NYNRIN: variants seen among roughly 807,000 people sequenced by gnomAD.
NYNRIN encodes the protein NYN domain and retroviral integrase containing, also known as protein NYNRIN.
A neutral mutation model predicts 146.6 loss-of-function variants in NYNRIN; 86 were observed. That is an observed-to-expected ratio of 0.59 (90% CI 0.49 to 0.70). NYNRIN has a LOEUF of 0.70. Among genes scored for constraint, NYNRIN ranks in the 30% least tolerant of loss-of-function variants. NYNRIN has a pLI of 0.00. For missense variants in NYNRIN, 2,191 were observed against 2,377.7 expected (o/e 0.92, Z 1.63); for synonymous variants, 1,027 against 1,001.3 (o/e 1.03, Z -0.48).
chr14:24,401,098 A>T (rs1036593862), intron 2 of NYNRIN, among the ~76,000 whole-genome samples: 1 of 152,040 alleles, frequency 6.6e-6, no homozygotes, highest in African/African-American at 2.4e-5. Flanking sequence ...CAGGACTCAC[A>T]CTTTCGGAGG....
rs574649411 is a variant in NYNRIN at position 24,415,303 on chromosome 14, C to A, written c.3554C>A (p.Pro1185His). 1 of 1,613,946 alleles carries A rather than the reference C, an allele frequency of 6.2e-7. No individual in the cohort carries two copies. The highest frequency in any genetic ancestry group is 8.5e-7 in the Non-Finnish European group (1 of 1,179,866). ...LHQEHSGRKH[P>H]IAYTSKPLLP... is the part of the protein sequence containing the mutation. ...CAGGAGCACTCAGGGAGGAAGCACC[C>A]CATAGCCTATACCTCAAAACCCCTC... The change falls in exon 9 of 9, where the codon CCC becomes CAC. Residue 1185 changes from proline to histidine, a missense_variant. This residue lies in a region of NYNRIN where 1,291 missense variants were observed against 1,417.0 expected (regional missense o/e 0.91). Coordinates refer to ENST00000382554, the MANE Select transcript of NYNRIN (RefSeq NM_025081.3).
chr14:24,418,521 C>T lies in NYNRIN; in HGVS notation c.*1075C>T, dbSNP rs1348868516. ...CCTTCTGTGTAGAGCAAAACCCAGG[C>T]TCCCTCACAGCCATTCTTTGCAGAG... On this transcript the variant is annotated 3_prime_UTR_variant, in exon 9 of 9. Coordinates refer to ENST00000382554, the MANE Select transcript of NYNRIN (RefSeq NM_025081.3). The T allele has an allele frequency of 3.1e-6, 1 of 321,886 alleles. No homozygotes were observed. The highest frequency in any genetic ancestry group is 9.9e-5 in the East Asian group (1 of 10,054). 19.9% of individuals were successfully genotyped at this position (321,886 alleles called of 1,614,324 possible). A position where few individuals can be genotyped will look rare whatever the true frequency, so the allele number is the denominator to read the frequency against.
chr14:24,406,043 TC>T (rs1348554280), intron 2 of NYNRIN, among the ~76,000 whole-genome samples: 1 of 151,550 alleles, frequency 6.6e-6, no homozygotes, highest in African/African-American at 2.4e-5. Context: ...ACATCTGTAA[TC>T]CCAGCTACTG....
Position 24,415,811 on chromosome 14 carries a change from C to T in NYNRIN, c.4062C>T (p.His1354=), listed in dbSNP as rs1210879965. Residue 1354 remains histidine (H), a synonymous_variant, in exon 9 of 9, where the codon CAC becomes CAT. Coordinates refer to ENST00000382554, the MANE Select transcript of NYNRIN (RefSeq NM_025081.3). ...CCCCTTACACGCCAACCTATGCCCACCTGGCAGCCGTGGCCTGCGGCCTGG... is the reference window on the plus strand; with the variant it reads ...CCCCTTACACGCCAACCTATGCCCATCTGGCAGCCGTGGCCTGCGGCCTGG... The part of the protein sequence containing the change: ...SCSPYTPTYA[H]LAAVACGLER... 2 of 1,614,018 alleles carry T rather than the reference C, an allele frequency of 1.2e-6. No homozygotes were observed. The highest frequency in any genetic ancestry group is 1.7e-6 in the Non-Finnish European group (2 of 1,179,900).
At chr14:24,400,141 C>T (rs2139339872) in intron 2 of NYNRIN, among the ~76,000 whole-genome samples, 1 of 152,266 alleles carries the variant, frequency 6.6e-6, no homozygotes, top group East Asian at 1.9e-4. Flanking sequence ...GGGTGCAGCC[C>T]TCTTCCCAGA....
Position 24,417,063 on chromosome 14 carries a change from C to T in NYNRIN, c.5314C>T (p.Leu1772=), listed in dbSNP as rs200040524. ...GGGTGAGTCAAGGCTCACGGAGCCC[C>T]TGTGGTGGGAGATGAGCAGCGCAAA... The part of the protein sequence containing the change: ...TGGESRLTEP[L]WWEMSSANIE... Residue 1772 remains leucine, a synonymous_variant, in exon 9 of 9, where the codon CTG becomes TTG. Coordinates refer to ENST00000382554, the MANE Select transcript of NYNRIN (RefSeq NM_025081.3). The T allele has an allele frequency of 1.7e-4, 276 of 1,612,792 alleles. No individual in the cohort carries two copies. The Admixed American group carries it at 4.5e-3, about 26-fold the overall frequency.
chr14:24,401,437 GC>G (rs1320475346), intron 2 of NYNRIN, among the ~76,000 whole-genome samples: 7 of 98,642 alleles, frequency 7.1e-5, no homozygotes, highest in African/African-American at 1.8e-4. Context: ...AAGGTGAGGG[GC>G]GGGGGGGGTT....
chr14:24,414,717 G>A lies in NYNRIN; in HGVS notation c.2968G>A (p.Glu990Lys), dbSNP rs2042932667. Residue 990 changes from glutamate (E) to lysine (K), a missense_variant, in exon 9 of 9, where the codon GAA becomes AAA. Glu to Lys is a moderately conservative substitution (Grantham distance 56). Around this residue, in one of 3 missense-constraint regions of NYNRIN, gnomAD observed 1,291 missense variants for 1,417.0 expected, o/e 0.91. Coordinates refer to ENST00000382554, the MANE Select transcript of NYNRIN (RefSeq NM_025081.3). Reference protein sequence around the residue: ...SGPLESLPNMEEVREEKEERQ... With the variant: ...SGPLESLPNMKEVREEKEERQ... Reference sequence around the variant, plus strand: ...GCCCCTGGAGAGTCTGCCGAATATGGAAGAAGTCAGGGAAGAGAAGGAGGA... The same window carrying A: ...GCCCCTGGAGAGTCTGCCGAATATGAAAGAAGTCAGGGAAGAGAAGGAGGA... The A allele has an allele frequency of 6.2e-7, 1 of 1,613,630 alleles. No homozygotes were observed. Among genetic ancestry groups the A allele is most frequent in the South Asian group, 1.1e-5 (1 of 91,016 alleles).
Position 24,409,334 on chromosome 14 carries a change from C to T in NYNRIN, c.1540C>T (p.Pro514Ser). ...DFKGLEEGPA[P>S]VLPTGQGKPV... The stretch of plus-strand genomic sequence containing the variant: ...TAAGGGACTGGAAGAGGGACCCGCT[C>T]CAGTGCTGCCAACAGGGCAAGGGAA... Residue 514 changes from proline to serine, a missense_variant, in exon 4 of 9, where the codon CCA becomes TCA. By Grantham distance (74) the Pro-to-Ser change is moderately conservative (BLOSUM62 -1). Transcript: ENST00000382554. The T allele has an allele frequency of 1.2e-6, 2 of 1,614,068 alleles. No individual in the cohort carries two copies. Among genetic ancestry groups the T allele is most frequent in the South Asian group, 1.1e-5 (1 of 91,086 alleles).
intron 2 of NYNRIN, among the ~76,000 whole-genome samples, chr14:24,402,930 A>G (rs577014062): frequency 6.6e-6 from 1 of 152,334 alleles, no homozygotes; most frequent in African/African-American, 2.4e-5. Context: ...CCCCACTGAC[A>G]GTATTTGCTC....
Position 24,411,059 on chromosome 14 carries a change from G to A in NYNRIN, c.2415-17G>A, listed in dbSNP as rs1284233199. ...GAGTGGTGAGGCAGGGTCTTTCCTT[G>A]TCCCACGACCCCACAGGCATGGCCT... On this transcript the variant is annotated splice_polypyrimidine_tract_variant and intron_variant, in intron 4 of 8. Coordinates refer to ENST00000382554, the MANE Select transcript of NYNRIN (RefSeq NM_025081.3). The surrounding 1 kb of genome is among the most constrained non-coding windows in gnomAD (Gnocchi z 4.3). 6.2e-7 allele frequency: 1 copy of A among 1,613,348 alleles called. No individual in the cohort carries two copies. The highest frequency in any genetic ancestry group is 8.5e-7 in the Non-Finnish European group (1 of 1,179,740).
intron 2 of NYNRIN, among the ~76,000 whole-genome samples, chr14:24,404,406 T>C (rs1180692701): frequency 6.6e-6 from 1 of 152,194 alleles, no homozygotes; most frequent in East Asian, 1.9e-4. Flanking sequence ...TCTATTCTTG[T>C]TTAGTGTCTA....
chr14:24,409,234 G>T lies in NYNRIN; in HGVS notation c.1440G>T (p.Gly480=). ...DKVSSDLPQI[G]PPLTSTPQLQ... ...TTAGCTCGGATCTCCCACAGATAGG[G>T]CCACCCTTGACCTCTACACCCCAAC... is the stretch of plus-strand genomic sequence containing the variant. Residue 480 remains glycine, a synonymous_variant, in exon 4 of 9, where the codon GGG becomes GGT. Coordinates refer to ENST00000382554, the MANE Select transcript of NYNRIN (RefSeq NM_025081.3). 6.2e-7 allele frequency: 1 copy of T among 1,614,000 alleles called. No individual in the cohort carries two copies. Among genetic ancestry groups the T allele is most frequent in the Non-Finnish European group, 8.5e-7 (1 of 1,179,890 alleles).
At position 24,411,368 on chromosome 14, in the gene NYNRIN, A is replaced by G; in HGVS notation, c.2560A>G (p.Thr854Ala). The G allele has an allele frequency of 6.2e-7, 1 of 1,613,900 alleles. No homozygotes were observed. Among genetic ancestry groups the G allele is most frequent in the South Asian group, 1.1e-5 (1 of 91,070 alleles). The change falls in exon 6 of 9, where the codon ACG (threonine) becomes GCG (alanine). Residue 854 changes from threonine (T) to alanine (A), a missense_variant. Physicochemically the swap from Thr to Ala is moderately conservative, Grantham distance 58 (BLOSUM62 0). Coordinates refer to ENST00000382554, the MANE Select transcript of NYNRIN (RefSeq NM_025081.3). The surrounding 1 kb of genome is among the most constrained non-coding windows in gnomAD (Gnocchi z 4.3). ...TTCACCCCCAGAGAGCCACTTTCTG[A>G]CGAAGCTACACTCGCTCAAGATGCT... is the stretch of plus-strand genomic sequence containing the variant. ...NRRVRESHFL[T>A]KLHSLKMLSI...
In NYNRIN at chr14:24,417,035, C is replaced by G; in HGVS notation, c.5286C>G (p.Thr1762=). ...ATGCCACACCGTTCAAGGTCCTGACCGGGGGTGAGTCAAGGCTCACGGAGC... is the reference window on the plus strand; with the variant it reads ...ATGCCACACCGTTCAAGGTCCTGACGGGGGGTGAGTCAAGGCTCACGGAGC... The part of the protein sequence containing the change: ...STDATPFKVL[T]GGESRLTEPL... The change falls in exon 9 of 9, where the codon ACC becomes ACG. Residue 1762 remains threonine, a synonymous_variant. Coordinates refer to ENST00000382554, the MANE Select transcript of NYNRIN (RefSeq NM_025081.3). 1 of 1,609,636 alleles carries G rather than the reference C, an allele frequency of 6.2e-7. No homozygotes were observed. The highest frequency in any genetic ancestry group is 2.2e-5 in the East Asian group (1 of 44,812).
Position 24,417,577 on chromosome 14 carries a change from A to C in NYNRIN, c.*131A>C. 7.8e-7 allele frequency: 1 copy of C among 1,276,974 alleles called. No homozygotes were observed. The highest frequency in any genetic ancestry group is 1.0e-6 in the Non-Finnish European group (1 of 980,476). 79.1% of individuals were successfully genotyped at this position (1,276,974 alleles called of 1,614,324 possible). A position where few individuals can be genotyped will look rare whatever the true frequency, so the allele number is the denominator to read the frequency against. Reference sequence around the variant, plus strand: ...CCTTTTGTAGAGAACTTGCTTCATAAAGCTTTGCTGAATTGCCTTGAACTA... The same window carrying C: ...CCTTTTGTAGAGAACTTGCTTCATACAGCTTTGCTGAATTGCCTTGAACTA... On this transcript the variant is annotated 3_prime_UTR_variant, in exon 9 of 9. Transcript: ENST00000382554.
intron 2 of NYNRIN, 80 bp downstream of exon 2, chr14:24,399,524 G>A (rs966947872): frequency 1.6e-6 from 2 of 1,279,014 alleles, no homozygotes; most frequent in Non-Finnish European, 2.2e-6. Context: ...ATGGTGGTCC[G>A]CAGAGACACC....
chr14:24,399,745 G>C (rs1292160373), intron 2 of NYNRIN, among the ~76,000 whole-genome samples: 1 of 152,116 alleles, frequency 6.6e-6, no homozygotes, highest in Non-Finnish European at 1.5e-5. Context: ...AGACTTCCCT[G>C]GCCAGGGCCC....
rs1217537193 is a variant in NYNRIN, at chr14:24,413,424, G to C, written c.2846+7G>C. The C allele has an allele frequency of 1.3e-6, 2 of 1,591,030 alleles. No individual in the cohort carries two copies. The highest frequency in any genetic ancestry group is 2.2e-5 in the East Asian group (1 of 44,516). ...TTCTGAAGAAGCCAAACAGGTAATA[G>C]GTCAGACCTCCCCAGCCTCCCAGGC... On this transcript the variant is annotated splice_region_variant and intron_variant, in intron 8 of 8. Transcript: ENST00000382554.
Sources: allele counts gnomAD v4.1 joint callset (sites outside exome capture counted in the v4.1 genomes callset), GRCh38; gene constraint gnomAD v4.1.1; regional missense constraint gnomAD v4.1.1; non-coding constraint Gnocchi (gnomAD v3.1); transcripts MANE v1.5; gene names NCBI Gene and HGNC (gene_info 2026-07-23, HGNC 2026-07-21).